BTBD9: variants seen among roughly 807,000 people sequenced by gnomAD.
BTBD9 encodes BTB domain containing 9, also known as BTB/POZ domain-containing protein 9.
BTBD9 carries 49 observed loss-of-function variants against 64.3 expected under a neutral mutation model. The ratio of observed to expected loss-of-function variants is 0.76; its 90% CI spans 0.61 to 0.97. BTBD9 has a LOEUF of 0.97. BTBD9 is among the 50% of genes least tolerant of loss of function. The pLI is 0.00. For synonymous variants in BTBD9, 260 were observed against 274.7 expected, an observed-to-expected ratio of 0.95 and a Z score of 0.53; for missense variants, 598 against 762.1, an observed-to-expected ratio of 0.78 and a Z score of 2.53.
chr6:38,567,685 T>TA (rs762981541), intron 6 of BTBD9, among the ~76,000 whole-genome samples: 4 of 152,202 alleles, frequency 2.6e-5, no homozygotes, highest in Non-Finnish European at 4.4e-5. Flanking sequence ...AATCTGGTTT[T>TA]ACTTCTGGTC....
chr6:38,231,966 GGA>G (rs1362601492), intron 9 of BTBD9, among the ~76,000 whole-genome samples: 1 of 152,222 alleles, frequency 6.6e-6, no homozygotes, highest in Non-Finnish European at 1.5e-5. Context: ...ACAGGAAATA[GGA>G]GAGAAGGGAA....
chr6:38,304,967 A>G (rs907158646), intron 7 of BTBD9, among the ~76,000 whole-genome samples: 1 of 152,084 alleles, frequency 6.6e-6, no homozygotes, highest in Non-Finnish European at 1.5e-5. Context: ...TGAGTTTCAT[A>G]AGGGCAGGAA....
At chr6:38,392,565 C>T (rs1419393866) in intron 6 of BTBD9, among the ~76,000 whole-genome samples, 2 of 152,182 alleles carry the variant, frequency 1.3e-5, no homozygotes, top group Non-Finnish European at 2.9e-5. Flanking sequence ...TCCCACTGAA[C>T]CTGATGACAG....
intron 10 of BTBD9, among the ~76,000 whole-genome samples, chr6:38,175,975 C>A (rs1761225650): frequency 6.6e-6 from 1 of 152,264 alleles, no homozygotes; most frequent in Non-Finnish European, 1.5e-5. Context: ...GTTTGCATAC[C>A]TGACAGCAGG....
chr6:38,324,224 C>A (rs1763337893), intron 7 of BTBD9, among the ~76,000 whole-genome samples: 1 of 152,148 alleles, frequency 6.6e-6, no homozygotes, highest in Non-Finnish European at 1.5e-5. Context: ...TTTAATATAG[C>A]TTTGTTTATA....
chr6:38,188,170 G>A (rs1253480735), intron 10 of BTBD9, among the ~76,000 whole-genome samples: 1 of 152,214 alleles, frequency 6.6e-6, no homozygotes, highest in Non-Finnish European at 1.5e-5. Context: ...TATTCCAGCA[G>A]CTGCCGGGGG....
intron 9 of BTBD9, among the ~76,000 whole-genome samples, chr6:38,250,887 G>A (rs973264774): frequency 3.9e-5 from 6 of 151,964 alleles, no homozygotes; most frequent in Admixed American, 6.6e-5. Flanking sequence ...CCTGACCAAC[G>A]TAGGGAAACC....
chr6:38,603,221 C>T (rs918655454), intron 1 of BTBD9, among the ~76,000 whole-genome samples: 5 of 152,158 alleles, frequency 3.3e-5, no homozygotes, highest in Non-Finnish European at 7.3e-5. Context: ...GTACCATACA[C>T]AATTATTAGT....
chr6:38,592,396 C>A (rs1213058759), intron 4 of BTBD9, among the ~76,000 whole-genome samples, 180 bp downstream of exon 4: 1 of 152,064 alleles, frequency 6.6e-6, no homozygotes, highest in African/African-American at 2.4e-5. Context: ...AAAAGCTAAT[C>A]AATCTCAGGA....
chr6:38,422,955 C>T (rs1299948728), intron 6 of BTBD9, among the ~76,000 whole-genome samples: 1 of 152,058 alleles, frequency 6.6e-6, no homozygotes, highest in Non-Finnish European at 1.5e-5. Flanking sequence ...GAGACCTCAT[C>T]TCTATTTAAA....
At chr6:38,471,779 G>C (rs1770661872) in intron 6 of BTBD9, among the ~76,000 whole-genome samples, 1 of 152,112 alleles carries the variant, frequency 6.6e-6, no homozygotes, top group Non-Finnish European at 1.5e-5. Flanking sequence ...AGGTCACCCA[G>C]AGAAAGAAAC....
intron 6 of BTBD9, among the ~76,000 whole-genome samples, chr6:38,526,355 G>A (rs1316068286): frequency 1.3e-5 from 2 of 152,258 alleles, no homozygotes; most frequent in Non-Finnish European, 1.5e-5. Context: ...GATTTCAGAG[G>A]ATGTATAGAA....
Position 38,562,830 on chromosome 6 carries a change from A to G in BTBD9, c.1154+14770T>C, listed in dbSNP as rs375587271. ...TATTTTCTTGGAATGAATTTTGCCAACAAGGGGATTGCTGGCTCAATGGGT... is the reference window on the plus strand; with the variant it reads ...TATTTTCTTGGAATGAATTTTGCCAGCAAGGGGATTGCTGGCTCAATGGGT... On this transcript the variant is annotated intron_variant, in intron 6 of 10. Coordinates refer to ENST00000481247, the MANE Select transcript of BTBD9 (RefSeq NM_001099272.2). Among the ~76,000 whole-genome samples, 7 of 152,346 alleles carry G rather than the reference A, an allele frequency of 4.6e-5. No homozygotes were observed. In the South Asian group the frequency reaches 1.0e-3, roughly 23 times the overall value.
chr6:38,558,348 A>C (rs1775116929), intron 6 of BTBD9, among the ~76,000 whole-genome samples: 1 of 151,754 alleles, frequency 6.6e-6, no homozygotes, highest in Admixed American at 6.6e-5. Flanking sequence ...ATGAAAAGAG[A>C]TAATTTGACT....
chr6:38,398,070 T>C (rs1330123190), intron 6 of BTBD9, among the ~76,000 whole-genome samples: 3 of 152,176 alleles, frequency 2.0e-5, no homozygotes, highest in Non-Finnish European at 2.9e-5. Flanking sequence ...CTTTATGCCA[T>C]AGGTGAAGAG....
chr6:38,172,768 G>C lies in BTBD9; in HGVS notation c.*2217C>G, dbSNP rs1265540264. ...ACAGAGATCTGGAAGGGCATGCCCCGAAGGAAAGAACCGCCACAGGCCAGG... is the reference window on the plus strand; with the variant it reads ...ACAGAGATCTGGAAGGGCATGCCCCCAAGGAAAGAACCGCCACAGGCCAGG... On this transcript the variant is annotated 3_prime_UTR_variant, in exon 11 of 11. Coordinates refer to ENST00000481247, the MANE Select transcript of BTBD9 (RefSeq NM_001099272.2). 1.3e-5 allele frequency: 2 copies of C among 152,440 alleles called. No individual in the cohort carries two copies. 9.4% of individuals were successfully genotyped at this position (152,440 alleles called of 1,614,324 possible). A position where few individuals can be genotyped will look rare whatever the true frequency, so the allele number is the denominator to read the frequency against.
Position 38,584,701 on chromosome 6 carries a change from C to T in BTBD9, c.815-4264G>A, listed in dbSNP as rs1240798179. ...ATTCTGTCACCTAAATCATTTTCTA[C>T]TCCCCATCCCAACTTCCCTAGAAAA... On this transcript the variant is annotated intron_variant, in intron 4 of 10. Coordinates refer to ENST00000481247, the MANE Select transcript of BTBD9 (RefSeq NM_001099272.2). 2.0e-5 allele frequency among the ~76,000 whole-genome samples: 3 copies of T among 152,314 alleles called. No individual in the cohort carries two copies. In the South Asian group the frequency reaches 6.2e-4, roughly 32 times the overall value.
chr6:38,634,526 T>C (rs1778465716), intron 1 of BTBD9, among the ~76,000 whole-genome samples: 1 of 152,052 alleles, frequency 6.6e-6, no homozygotes, highest in Non-Finnish European at 1.5e-5. Flanking sequence ...ACTGGAATCC[T>C]GGCACATATT....
chr6:38,464,246 G>A (rs1300086031), intron 6 of BTBD9, among the ~76,000 whole-genome samples: 3 of 152,102 alleles, frequency 2.0e-5, no homozygotes, highest in South Asian at 4.1e-4. Context: ...TCAGACTCGT[G>A]AGAAAATAAA....
Sources: allele counts gnomAD v4.1 joint callset (sites outside exome capture counted in the v4.1 genomes callset), GRCh38; gene constraint gnomAD v4.1.1; transcripts MANE v1.5; gene names NCBI Gene and HGNC (gene_info 2026-07-23, HGNC 2026-07-21).